The following DIAPH2 variants were observed in gnomAD, a reference collection of about 807,000 sequenced individuals.
DIAPH2 encodes diaphanous related formin 2.
DIAPH2 carries 35 observed loss-of-function variants against 92.7 expected under a neutral mutation model. The observed-to-expected ratio is 0.38, with a 90% CI of 0.29 to 0.50. DIAPH2 has a LOEUF of 0.50. DIAPH2 is among the 20% of genes least tolerant of loss of function. The probability of loss-of-function intolerance (pLI) is 0.94; values close to 1 mark genes in which losing one functional copy is unlikely to be tolerated. For synonymous variants in DIAPH2, 301 were observed against 280.4 expected, an observed-to-expected ratio of 1.07 and a Z score of -0.73; for missense variants, 701 against 819.5, an observed-to-expected ratio of 0.86 and a Z score of 1.77.
chrX:96,717,868 G>C (rs1445536789), intron 1 of DIAPH2, among the ~76,000 whole-genome samples: 1 of 77,107 alleles, frequency 1.3e-5, no homozygotes, highest in African/African-American at 4.5e-5. Context: ...ATTCACATGA[G>C]ATATTTTGAT....
At chrX:96,849,637 G>A (rs2064994430) in intron 4 of DIAPH2, among the ~76,000 whole-genome samples, 1 of 111,811 alleles carries the variant, frequency 8.9e-6, no homozygotes, top group Non-Finnish European at 1.9e-5. Context: ...AAGAATCAGC[G>A]AGCATTTGGA....
intron 17 of DIAPH2, among the ~76,000 whole-genome samples, chrX:97,029,481 G>A (rs2066358403): frequency 9.0e-6 from 1 of 110,702 alleles, no homozygotes; most frequent in Non-Finnish European, 1.9e-5. Flanking sequence ...TCTGGGTTGT[G>A]TTTTCATTTT....
chrX:96,886,790 T>A (rs942382579), intron 5 of DIAPH2, among the ~76,000 whole-genome samples: 1 of 111,266 alleles, frequency 9.0e-6, no homozygotes, highest in Non-Finnish European at 1.9e-5. Flanking sequence ...CATTAAAATC[T>A]GATATTTATG....
At chrX:97,284,092 C>T (rs1445511707) in intron 23 of DIAPH2, among the ~76,000 whole-genome samples, 1 of 111,993 alleles carries the variant, frequency 8.9e-6, no homozygotes, top group African/African-American at 3.2e-5. Context: ...ACGAGTATGT[C>T]TGGGGAGTTC....
At chrX:96,959,610 C>T (rs1005688104) in intron 16 of DIAPH2, among the ~76,000 whole-genome samples, 3 of 111,520 alleles carry the variant, frequency 2.7e-5, no homozygotes, top group South Asian at 3.8e-4. Flanking sequence ...TATGCGGAAG[C>T]GTTTTAGTTT....
At chrX:96,786,149 C>T (rs905550941) in intron 4 of DIAPH2, among the ~76,000 whole-genome samples, 2 of 111,753 alleles carry the variant, frequency 1.8e-5, no homozygotes, top group Non-Finnish European at 3.8e-5. Flanking sequence ...ACCCACAGGC[C>T]CTTTTCCACA....
chrX:97,039,493 G>A (rs1207929396), intron 17 of DIAPH2, among the ~76,000 whole-genome samples: 1 of 111,452 alleles, frequency 9.0e-6, no homozygotes, highest in Non-Finnish European at 1.9e-5. Flanking sequence ...AGTTACTTCA[G>A]GGAAACAGAA....
intron 17 of DIAPH2, among the ~76,000 whole-genome samples, chrX:96,992,665 G>C (rs2066080257): frequency 8.9e-6 from 1 of 112,241 alleles, no homozygotes; most frequent in Non-Finnish European, 1.9e-5. Context: ...CGATGTTTGT[G>C]TTAGCAGGCA....
chrX:97,270,307 G>A (rs1326425408), intron 23 of DIAPH2, among the ~76,000 whole-genome samples: 16 of 111,510 alleles, frequency 1.4e-4, no homozygotes, highest in Admixed American at 4.8e-4. Flanking sequence ...CAGGTGATCC[G>A]CCCGCCTCGG....
intron 4 of DIAPH2, among the ~76,000 whole-genome samples, chrX:96,862,367 G>A (rs1479714850): frequency 2.7e-5 from 3 of 112,140 alleles, no homozygotes; most frequent in African/African-American, 9.7e-5. Context: ...GATTGGAAAT[G>A]AATGAGTAAC....
intron 22 of DIAPH2, among the ~76,000 whole-genome samples, chrX:97,216,072 C>T (rs1407729660): frequency 8.9e-6 from 1 of 111,745 alleles, no homozygotes; most frequent in Non-Finnish European, 1.9e-5. Flanking sequence ...AGTCTAAGGA[C>T]TGGTAGATTT....
At chrX:97,378,560 A>G (rs963296630) in intron 24 of DIAPH2, among the ~76,000 whole-genome samples, 1 of 111,191 alleles carries the variant, frequency 9.0e-6, no homozygotes, top group Non-Finnish European at 1.9e-5. Context: ...AAAGAAAGAA[A>G]CTTTGCCAGG....
At chrX:96,839,649 C>A (rs1477815385) in intron 4 of DIAPH2, among the ~76,000 whole-genome samples, 2 of 111,766 alleles carry the variant, frequency 1.8e-5, no homozygotes, top group South Asian at 3.7e-4. Flanking sequence ...AGCTAAAGAA[C>A]ATTTTACCTC....
At chrX:96,875,470 ATT>A (rs1402241905) in intron 4 of DIAPH2, among the ~76,000 whole-genome samples, 1 of 111,884 alleles carries the variant, frequency 8.9e-6, no homozygotes, top group African/African-American at 3.2e-5. Context: ...ACTTATTTAA[ATT>A]TTTTTGGGAA....
intron 4 of DIAPH2, among the ~76,000 whole-genome samples, chrX:96,797,037 G>A (rs1397290492): frequency 2.7e-5 from 3 of 111,657 alleles, no homozygotes; most frequent in African/African-American, 9.8e-5. Flanking sequence ...GTCTATAAAT[G>A]TATTTATTTC....
intron 17 of DIAPH2, among the ~76,000 whole-genome samples, chrX:97,013,719 T>C (rs140254327): frequency 0.036 from 4,068 of 112,219 alleles, 89 homozygotes; most frequent in Middle Eastern, 0.083. Context: ...ATGAGATCTC[T>C]GACTAACATT....
intron 1 of DIAPH2, among the ~76,000 whole-genome samples, chrX:96,729,420 C>G (rs1419353550): frequency 8.9e-6 from 1 of 111,930 alleles, no homozygotes. Flanking sequence ...TTCTTAAAGA[C>G]CTAAGTGGCA....
chrX:97,141,625 C>G, intron 21 of DIAPH2, 40 bp from the exon 22 acceptor site: 1 of 1,134,924 alleles, frequency 8.8e-7, no homozygotes, highest in Non-Finnish European at 1.2e-6. Context: ...AAAGTATTTA[C>G]TAAAAAATTA....
chrX:97,402,910 C>A (rs2069772202), intron 25 of DIAPH2, among the ~76,000 whole-genome samples: 1 of 112,237 alleles, frequency 8.9e-6, no homozygotes, highest in Admixed American at 9.4e-5. Flanking sequence ...AAATGGACAA[C>A]CAAGATAGTT....
Sources: gnomAD v4.1 joint callset for allele counts (sites outside exome capture counted in the v4.1 genomes callset) on GRCh38, gnomAD v4.1.1 for gene constraint, MANE v1.5 for transcripts, NCBI Gene and HGNC (gene_info 2026-07-23, HGNC 2026-07-21) for gene names.